SPAG17: variants seen among roughly 807,000 people sequenced by gnomAD.
The protein encoded by SPAG17 is sperm-associated antigen 17.
SPAG17 carries 169 observed loss-of-function variants against 273.6 expected under a neutral mutation model. That is an observed-to-expected ratio of 0.62 (90% CI 0.55 to 0.70). The LOEUF (loss-of-function observed/expected upper bound fraction) is 0.70. Among genes scored for constraint, SPAG17 ranks in the 30% least tolerant of loss-of-function variants. SPAG17 has a pLI of 0.00. For synonymous variants in SPAG17, 825 were observed against 873.2 expected, an observed-to-expected ratio of 0.94 and a Z score of 0.97; for missense variants, 2,557 against 2,627.8, an observed-to-expected ratio of 0.97 and a Z score of 0.59.
chr1:118,007,577 G>A (rs1027817023), intron 31 of SPAG17, among the ~76,000 whole-genome samples: 6 of 152,160 alleles, frequency 3.9e-5, no homozygotes, highest in African/African-American at 1.4e-4. Flanking sequence ...TAGGAGAACT[G>A]CCCTCCAGGG....
chr1:117,973,597 C>G, intron 43 of SPAG17, 36 bp from the exon 44 acceptor site: 2 of 1,589,548 alleles, frequency 1.3e-6, no homozygotes, highest in South Asian at 1.2e-5. Flanking sequence ...GCCACATGGA[C>G]ATTTTATTCA....
intron 32 of SPAG17, among the ~76,000 whole-genome samples, chr1:118,000,175 G>T (rs967539964): frequency 3.9e-5 from 6 of 152,124 alleles, no homozygotes; most frequent in African/African-American, 1.2e-4. Context: ...CTGTTCCATT[G>T]GTCTATATCT....
chr1:118,099,811 T>C lies in SPAG17; in HGVS notation c.635-11A>G. The C allele has an allele frequency of 6.2e-7, 1 of 1,609,372 alleles. No individual in the cohort carries two copies. Among genetic ancestry groups the C allele is most frequent in the East Asian group, 2.2e-5 (1 of 44,818 alleles). On this transcript the variant is annotated splice_polypyrimidine_tract_variant and intron_variant, in intron 5 of 48. Coordinates refer to ENST00000336338, the MANE Select transcript of SPAG17 (RefSeq NM_206996.4). Reference sequence around the variant, plus strand: ...CATCTGGCTCATCGTCTGTTCAAAATACCATAAAGAAGAGCAGCCATCATT... The same window carrying C: ...CATCTGGCTCATCGTCTGTTCAAAACACCATAAAGAAGAGCAGCCATCATT...
chr1:118,009,676 T>A (rs2101763287), intron 30 of SPAG17, among the ~76,000 whole-genome samples: 1 of 152,216 alleles, frequency 6.6e-6, no homozygotes, highest in Middle Eastern at 3.4e-3. Flanking sequence ...AGGTTTTAGT[T>A]GCCACCAATC....
At chr1:118,115,540 C>A in intron 3 of SPAG17, 99 bp from the exon 4 acceptor site, 2 of 1,225,752 alleles carry the variant, frequency 1.6e-6, no homozygotes, top group Non-Finnish European at 2.2e-6. Context: ...TATTATTTGT[C>A]ATACTGGAAA....
chr1:118,010,687 T>C (rs548168910), intron 30 of SPAG17, among the ~76,000 whole-genome samples: 70 of 152,130 alleles, frequency 4.6e-4, no homozygotes, highest in Non-Finnish European at 8.8e-4. Flanking sequence ...CCAAAAGCAA[T>C]TGCAACAAAA....
intron 28 of SPAG17, among the ~76,000 whole-genome samples, chr1:118,018,669 C>CA (rs558618684): frequency 0.012 from 1,293 of 109,318 alleles, 7 homozygotes; most frequent in African/African-American, 0.023. Flanking sequence ...TTCACTGCTA[C>CA]AAAAAAAAAA....
intron 4 of SPAG17, among the ~76,000 whole-genome samples, chr1:118,111,956 C>T (rs1350758443): frequency 2.0e-5 from 3 of 152,080 alleles, no homozygotes; most frequent in South Asian, 2.1e-4. Context: ...ATATGGACGA[C>T]TTATTTGAAT....
intron 1 of SPAG17, among the ~76,000 whole-genome samples, chr1:118,155,293 GCCTACTGTC>G (rs1202463067): frequency 6.6e-6 from 1 of 152,192 alleles, no homozygotes; most frequent in Non-Finnish European, 1.5e-5. Flanking sequence ...TCTCATATAA[GCCTACTGTC>G]CCAGAGACAC....
intron 1 of SPAG17, among the ~76,000 whole-genome samples, chr1:118,183,442 G>A (rs755141938): frequency 3.9e-5 from 6 of 152,110 alleles, no homozygotes; most frequent in Non-Finnish European, 5.9e-5. Flanking sequence ...AAATGAGAGA[G>A]GAGGTGGAGG....
chr1:118,015,222 T>G (rs1412006926), intron 29 of SPAG17, among the ~76,000 whole-genome samples: 1 of 149,626 alleles, frequency 6.7e-6, no homozygotes, highest in Admixed American at 6.7e-5. Flanking sequence ...AGGTGGAGGT[T>G]GCAGTGAGCT....
chr1:118,143,065 T>C (rs186815708), intron 3 of SPAG17, among the ~76,000 whole-genome samples: 1 of 152,330 alleles, frequency 6.6e-6, no homozygotes, highest in East Asian at 1.9e-4. Flanking sequence ...GACCCAAACA[T>C]GTGGGCAAAA....
chr1:117,991,578 G>C, intron 36 of SPAG17, 50 bp from the exon 37 acceptor site: 3 of 1,168,352 alleles, frequency 2.6e-6, no homozygotes, highest in East Asian at 2.4e-5. Flanking sequence ...ATTAGGAAGA[G>C]AGAGATACAA....
At chr1:118,084,160 G>A (rs962553267) in intron 13 of SPAG17, among the ~76,000 whole-genome samples, 1 of 152,114 alleles carries the variant, frequency 6.6e-6, no homozygotes, top group African/African-American at 2.4e-5. Context: ...ACTCAGGAAG[G>A]GGGTAGTTAT....
intron 27 of SPAG17, among the ~76,000 whole-genome samples, chr1:118,024,719 A>T (rs1372112813): frequency 6.6e-6 from 1 of 151,932 alleles, no homozygotes; most frequent in East Asian, 1.9e-4. Context: ...TACCTGGGGA[A>T]CTACCCTCAT....
intron 32 of SPAG17, among the ~76,000 whole-genome samples, chr1:118,000,830 T>C (rs1471736000): frequency 3.3e-5 from 5 of 152,284 alleles, no homozygotes; most frequent in Admixed American, 1.3e-4. Flanking sequence ...TCTTGCCTGA[T>C]TGCCCTGGCC....
At chr1:118,165,114 A>G (rs1660102158) in intron 1 of SPAG17, among the ~76,000 whole-genome samples, 1 of 152,290 alleles carries the variant, frequency 6.6e-6, no homozygotes, top group Non-Finnish European at 1.5e-5. Context: ...AAGTAATGCA[A>G]TACTTGCACT....
intron 3 of SPAG17, among the ~76,000 whole-genome samples, chr1:118,119,373 TG>T (rs1248337031): frequency 1.3e-5 from 2 of 152,014 alleles, no homozygotes; most frequent in African/African-American, 2.4e-5. Flanking sequence ...GGGAGTGAGG[TG>T]GCAGAGGAAA....
At chr1:118,157,390 A>C (rs900928607) in intron 1 of SPAG17, among the ~76,000 whole-genome samples, 9 of 152,266 alleles carry the variant, frequency 5.9e-5, no homozygotes, top group African/African-American at 1.9e-4. Flanking sequence ...TGTTGCTTCA[A>C]GTGTGACCTA....
Sources: gnomAD v4.1 joint callset for allele counts (sites outside exome capture counted in the v4.1 genomes callset) on GRCh38, gnomAD v4.1.1 for gene constraint, MANE v1.5 for transcripts, NCBI Gene and HGNC (gene_info 2026-07-23, HGNC 2026-07-21) for gene names.